Variants in IRF2 observed in about 807,000 individuals in gnomAD.
The protein encoded by IRF2 is interferon regulatory factor 2.
In IRF2, 15 loss-of-function variants were observed where a neutral mutation model predicts 40.6. The ratio of observed to expected loss-of-function variants is 0.37; its 90% CI spans 0.25 to 0.57. IRF2 has a LOEUF of 0.57. Among genes scored for constraint, IRF2 ranks in the 20% least tolerant of loss-of-function variants. The pLI is 0.77. For missense variants in IRF2, 317 were observed against 455.7 expected, an observed-to-expected ratio of 0.70 and a Z score of 2.77; for synonymous variants, 151 against 165.5, an observed-to-expected ratio of 0.91 and a Z score of 0.67.
At chr4:184,401,839 A>G (rs1053680815) in intron 6 of IRF2, among the ~76,000 whole-genome samples, 4 of 152,206 alleles carry the variant, frequency 2.6e-5, no homozygotes, top group Admixed American at 6.5e-5. Context: ...TTAACTTCCA[A>G]TATTTCAAAA....
chr4:184,420,662 A>AGG (rs1365750277), intron 2 of IRF2, among the ~76,000 whole-genome samples: 1 of 152,228 alleles, frequency 6.6e-6, no homozygotes, highest in East Asian at 1.9e-4. Context: ...GCTACAGATG[A>AGG]GGAACCTGGC....
chr4:184,413,690 C>A lies in IRF2; in HGVS notation c.411+4477G>T, dbSNP rs1165622752. On this transcript the variant is annotated intron_variant, in intron 5 of 8. Transcript: ENST00000393593. This position sits in a 1 kb window ranked among gnomAD's most constrained non-coding sequence, Gnocchi z 4.2. ...AATCTTTTCCAAGCGACTTTGGCAGCCCTTCCCAATTCTGTCTCCTTCATA... is the reference window on the plus strand; with the variant it reads ...AATCTTTTCCAAGCGACTTTGGCAGACCTTCCCAATTCTGTCTCCTTCATA... Among the ~76,000 whole-genome samples, 1 of 152,220 alleles carries A rather than the reference C, an allele frequency of 6.6e-6. No individual in the cohort carries two copies. Among genetic ancestry groups the A allele is most frequent in the Non-Finnish European group, 1.5e-5 (1 of 68,032 alleles).
At chr4:184,405,647 A>G (rs1736827147) in intron 6 of IRF2, among the ~76,000 whole-genome samples, 2 of 152,208 alleles carry the variant, frequency 1.3e-5, no homozygotes, top group Admixed American at 1.3e-4. Context: ...GGGGAGCAGA[A>G]TGGAAGCAGA....
At chr4:184,422,201 T>C (rs1737506701) in intron 2 of IRF2, among the ~76,000 whole-genome samples, 1 of 152,150 alleles carries the variant, frequency 6.6e-6, no homozygotes, top group African/African-American at 2.4e-5. Flanking sequence ...TTTTTATAAA[T>C]TACCCAGCCC....
intron 1 of IRF2, among the ~76,000 whole-genome samples, chr4:184,446,451 AG>A (rs2149911188): frequency 6.6e-6 from 1 of 152,292 alleles, no homozygotes; most frequent in African/African-American, 2.4e-5. Context: ...CAGAACAGGG[AG>A]GTGAGGAGGG....
intron 1 of IRF2, among the ~76,000 whole-genome samples, chr4:184,453,507 T>C (rs776939189): frequency 9.9e-5 from 15 of 152,248 alleles, no homozygotes; most frequent in Non-Finnish European, 1.9e-4. Context: ...AGCACTGCCT[T>C]TGCAGTACAG....
At position 184,428,715 on chromosome 4, in the gene IRF2, C is replaced by T. The variant is rs780942211; in HGVS notation, c.87+263G>A. On this transcript the variant is annotated intron_variant, in intron 2 of 8. Coordinates refer to ENST00000393593, the MANE Select transcript of IRF2 (RefSeq NM_002199.4). ...TCTGGAGGCTGAGGTGGGAGGATCA[C>T]TTGAACCCAAGAGGTCGAGGCTGCA... The T allele has an allele frequency of 1.6e-4, 81 of 520,136 alleles. 2 individuals carry two copies. Among genetic ancestry groups the T allele is most frequent in the South Asian group, 1.3e-3 (81 of 63,880 alleles). The allele number at this position is 520,136 out of a possible 1,614,324, so 32.2% of individuals were successfully genotyped here. A position where few individuals can be genotyped will look rare whatever the true frequency, so the allele number is the denominator to read the frequency against.
chr4:184,431,889 A>T (rs977392024), intron 1 of IRF2: 2 of 151,108 alleles, frequency 1.3e-5, no homozygotes, highest in African/African-American at 4.9e-5. Context: ...CAATGGTCAC[A>T]TCTGAAATAG....
intron 1 of IRF2, among the ~76,000 whole-genome samples, chr4:184,433,915 C>T (rs1737982745): frequency 6.6e-6 from 1 of 152,204 alleles, no homozygotes; most frequent in Admixed American, 6.5e-5. Context: ...ACAGCAAAGG[C>T]AGAATCTACC....
chr4:184,461,364 G>A (rs1002525062), intron 1 of IRF2, among the ~76,000 whole-genome samples: 11 of 152,166 alleles, frequency 7.2e-5, no homozygotes, highest in Non-Finnish European at 1.2e-4. Flanking sequence ...TTAGCACTGC[G>A]GCTTCCCCTA....
intron 2 of IRF2, among the ~76,000 whole-genome samples, chr4:184,426,679 G>A (rs932352211): frequency 2.6e-5 from 4 of 152,138 alleles, no homozygotes; most frequent in Non-Finnish European, 5.9e-5. Flanking sequence ...CAACCACAGC[G>A]GTCAACATAT....
At position 184,454,314 on chromosome 4, in the gene IRF2, T is replaced by G. The variant is rs117979389; in HGVS notation, c.-7+20065A>C. Among the ~76,000 whole-genome samples, 13 of 152,352 alleles carry G rather than the reference T, an allele frequency of 8.5e-5. No individual in the cohort carries two copies. The East Asian group carries it at 2.5e-3, about 29-fold the overall frequency. ...TTAATTATTATGGAGACATCCAATTTAACTCTTTATGTTCAAATCTGGTCA... is the reference window on the plus strand; with the variant it reads ...TTAATTATTATGGAGACATCCAATTGAACTCTTTATGTTCAAATCTGGTCA... On this transcript the variant is annotated intron_variant, in intron 1 of 8. Coordinates refer to ENST00000393593, the MANE Select transcript of IRF2 (RefSeq NM_002199.4).
chr4:184,429,253 C>T (rs933770636), intron 1 of IRF2, among the ~76,000 whole-genome samples, 183 bp from the exon 2 acceptor site: 1 of 152,168 alleles, frequency 6.6e-6, no homozygotes, highest in African/African-American at 2.4e-5. Context: ...TCGCACCGGC[C>T]AGGGGGCTAT....
intron 6 of IRF2, among the ~76,000 whole-genome samples, chr4:184,406,855 G>A (rs780175729): frequency 5.9e-5 from 9 of 152,166 alleles, no homozygotes; most frequent in Non-Finnish European, 1.2e-4. Context: ...ATAAAGACAG[G>A]CAAGTTTGGA....
At chr4:184,409,838 A>C (rs1311889878) in intron 5 of IRF2, among the ~76,000 whole-genome samples, 1 of 152,026 alleles carries the variant, frequency 6.6e-6, no homozygotes, top group Non-Finnish European at 1.5e-5. Flanking sequence ...TCAAGGATGC[A>C]ATGAGCTATG....
chr4:184,407,304 A>G, intron 6 of IRF2: 3 of 1,241,748 alleles, frequency 2.4e-6, no homozygotes, highest in Non-Finnish European at 3.1e-6. Context: ...GTAAAAATAA[A>G]AAGGAGTTTT....
intron 1 of IRF2, among the ~76,000 whole-genome samples, chr4:184,431,757 T>C (rs1320115377): frequency 6.6e-6 from 1 of 151,100 alleles, no homozygotes; most frequent in Non-Finnish European, 1.5e-5. Flanking sequence ...AGCCTGAGCC[T>C]GGCAATATGG....
At chr4:184,434,198 A>G (rs1001864426) in intron 1 of IRF2, among the ~76,000 whole-genome samples, 2 of 152,214 alleles carry the variant, frequency 1.3e-5, no homozygotes, top group African/African-American at 4.8e-5. Context: ...AGCTCAGTGG[A>G]GATGACACAG....
Position 184,439,452 on chromosome 4 carries a change from A to C in IRF2, c.-6-10382T>G, listed in dbSNP as rs1351866901. On this transcript the variant is annotated intron_variant, in intron 1 of 8. Coordinates refer to ENST00000393593, the MANE Select transcript of IRF2 (RefSeq NM_002199.4). ...TGATAAGCAATTAAGTATGAAAATC[A>C]CTGTTATTTAGTATCCATTAACCCA... Among the ~76,000 whole-genome samples the C allele has an allele frequency of 2.0e-5, 3 of 151,964 alleles. No individual in the cohort carries two copies. In the East Asian group the frequency reaches 5.8e-4, roughly 29 times the overall value.
Sources: allele counts gnomAD v4.1 joint callset (sites outside exome capture counted in the v4.1 genomes callset), GRCh38; gene constraint gnomAD v4.1.1; non-coding constraint Gnocchi (gnomAD v3.1); transcripts MANE v1.5; gene names NCBI Gene and HGNC (gene_info 2026-07-23, HGNC 2026-07-21).